TRHDE: variants seen among roughly 807,000 people sequenced by gnomAD.
TRHDE encodes thyrotropin releasing hormone degrading enzyme, also known as thyrotropin-releasing hormone-degrading ectoenzyme.
A neutral mutation model predicts 125.7 loss-of-function variants in TRHDE; 72 were observed. The ratio of observed to expected loss-of-function variants is 0.57; its 90% confidence interval spans 0.47 to 0.70. TRHDE has a LOEUF of 0.70. Ranked by LOEUF, TRHDE falls within the 30% of genes least tolerant of loss-of-function variation. TRHDE has a pLI of 0.00. For missense variants in TRHDE, 1,110 were observed against 1,327.1 expected, an observed-to-expected ratio of 0.84 and a Z score of 2.54; for synonymous variants, 509 against 509.1, an observed-to-expected ratio of 1.00 and a Z score of 0.00.
chr12:72,382,622 A>T (rs1209384925), intron 3 of TRHDE, among the ~76,000 whole-genome samples: 1 of 152,144 alleles, frequency 6.6e-6, no homozygotes, highest in Non-Finnish European at 1.5e-5. Flanking sequence ...ATAAACAGGA[A>T]GACTCTCTAC....
chr12:72,094,646 G>T (rs1381358960), intron 1 of TRHDE, among the ~76,000 whole-genome samples: 1 of 152,232 alleles, frequency 6.6e-6, no homozygotes, highest in Non-Finnish European at 1.5e-5. Flanking sequence ...TGGGACTGAG[G>T]TCGGCAGGTC....
intron 15 of TRHDE, among the ~76,000 whole-genome samples, chr12:72,648,088 C>A (rs147021797): frequency 6.6e-6 from 1 of 152,042 alleles, no homozygotes; most frequent in Admixed American, 6.6e-5. Context: ...TGCGAGGATG[C>A]TTCCACATAC....
Position 72,273,954 on chromosome 12 carries a change from C to A in TRHDE, c.914+397C>A. The A allele has an allele frequency of 5.1e-6, 1 of 196,428 alleles. No homozygotes were observed. The allele number at this position is 196,428 out of a possible 1,614,324, so 12.2% of individuals were successfully genotyped here. A position where few individuals can be genotyped will look rare whatever the true frequency, so the allele number is the denominator to read the frequency against. Reference sequence around the variant, plus strand: ...AGGGAAAATACGTGGCGCTGAAGGCCAAGACAACAGCGCATCCAGGTTAGC... The same window carrying A: ...AGGGAAAATACGTGGCGCTGAAGGCAAAGACAACAGCGCATCCAGGTTAGC... On this transcript the variant is annotated intron_variant, in intron 1 of 18. Coordinates refer to ENST00000261180, the MANE Select transcript of TRHDE (RefSeq NM_013381.3). This position sits in a 1 kb window ranked among gnomAD's most constrained non-coding sequence, Gnocchi z 5.3.
chr12:72,412,396 T>C (rs1398234539), intron 3 of TRHDE, among the ~76,000 whole-genome samples: 7 of 152,132 alleles, frequency 4.6e-5, no homozygotes, highest in Admixed American at 4.6e-4. Context: ...TCTCATCTGG[T>C]TGGTAAAAAT....
chr12:72,105,410 A>G (rs1033170912), intron 1 of TRHDE, among the ~76,000 whole-genome samples: 1 of 152,170 alleles, frequency 6.6e-6, no homozygotes, highest in African/African-American at 2.4e-5. Context: ...GTCTAGCCAG[A>G]GCAGAGCTGG....
chr12:72,483,779 T>C (rs1025090273), intron 5 of TRHDE, among the ~76,000 whole-genome samples: 15 of 152,028 alleles, frequency 9.9e-5, no homozygotes, highest in African/African-American at 3.6e-4. Flanking sequence ...TCATTGGAAA[T>C]ATAAAGACTT....
At chr12:72,281,703 T>C (rs927133475) in intron 1 of TRHDE, among the ~76,000 whole-genome samples, 8 of 152,224 alleles carry the variant, frequency 5.3e-5, no homozygotes, top group African/African-American at 1.9e-4. Flanking sequence ...TTGTTTCCTC[T>C]GCATGTCTTA....
chr12:72,592,804 G>A (rs1048113564), intron 12 of TRHDE, among the ~76,000 whole-genome samples: 5 of 151,350 alleles, frequency 3.3e-5, no homozygotes, highest in African/African-American at 1.2e-4. Flanking sequence ...TCCACCTCCC[G>A]GGTTCAAGTG....
chr12:72,274,500 G>A (rs1329282703), intron 1 of TRHDE: 1 of 152,260 alleles, frequency 6.6e-6, no homozygotes, highest in Non-Finnish European at 1.5e-5. Context: ...GTGGAGGTTT[G>A]AGGAAGGTAA....
intron 2 of TRHDE, among the ~76,000 whole-genome samples, chr12:72,125,131 T>C: frequency 6.6e-6 from 1 of 152,224 alleles, no homozygotes; most frequent in East Asian, 1.9e-4. Flanking sequence ...TGTAATTTAT[T>C]TTCTTGTGCT....
At chr12:72,237,390 A>G (rs528709461) in intron 2 of TRHDE, among the ~76,000 whole-genome samples, 7 of 152,356 alleles carry the variant, frequency 4.6e-5, no homozygotes, top group Non-Finnish European at 5.9e-5. Context: ...CAGAGACTCA[A>G]TGTATAGAAA....
At chr12:72,535,568 G>A (rs1868813167) in intron 6 of TRHDE, among the ~76,000 whole-genome samples, 2 of 151,370 alleles carry the variant, frequency 1.3e-5, no homozygotes, top group South Asian at 4.1e-4. Flanking sequence ...TTTTTCCCTT[G>A]TTCTATCCTC....
In TRHDE at chr12:72,125,038, C is replaced by A. The variant is rs149198912; in HGVS notation, n.279+19286C>A. 3.3e-3 allele frequency among the ~76,000 whole-genome samples: 503 copies of A among 152,132 alleles called. 1 individual carries two copies. The highest frequency in any genetic ancestry group is 0.011 in the African/African-American group (462 of 41,516). On this transcript the variant is annotated intron_variant and non_coding_transcript_variant, in intron 2 of 4. Coordinates refer to the TRHDE transcript ENST00000548156. ...AAATCCTCCTCAGATATGATATATC[C>A]TTGTTTCCTAAAAACACTGCTAGAT...
intron 3 of TRHDE, among the ~76,000 whole-genome samples, chr12:72,388,408 A>G (rs1472032558): frequency 6.6e-6 from 1 of 152,102 alleles, no homozygotes; most frequent in African/African-American, 2.4e-5. Flanking sequence ...TGTAAGTTCT[A>G]TGAAAACAAG....
intron 2 of TRHDE, among the ~76,000 whole-genome samples, chr12:72,197,602 G>A (rs1350962196): frequency 1.3e-5 from 2 of 152,122 alleles, no homozygotes. Context: ...TGGCCCATAA[G>A]TTCTGGGTGA....
intron 2 of TRHDE, among the ~76,000 whole-genome samples, chr12:72,142,686 C>A (rs1876143071): frequency 6.6e-6 from 1 of 152,144 alleles, no homozygotes; most frequent in South Asian, 2.1e-4. Context: ...AACCCCCAAA[C>A]CCCAGGCTCC....
intron 2 of TRHDE, among the ~76,000 whole-genome samples, chr12:72,377,318 T>G (rs1871933735): frequency 6.6e-6 from 1 of 151,542 alleles, no homozygotes; most frequent in Non-Finnish European, 1.5e-5. Context: ...TTTTTTTTTT[T>G]GGCCAAGGAC....
At position 72,663,983 on chromosome 12, in the gene TRHDE, AG is replaced by A. The variant is rs1875019753; in HGVS notation, c.*789del. On this transcript the variant is annotated 3_prime_UTR_variant, in exon 19 of 19. Coordinates refer to ENST00000261180, the MANE Select transcript of TRHDE (RefSeq NM_013381.3). ...TATCTCTTTTTATAAACTTAAGGAC[AG>A]TTGCAAAAGGCTTCAAGGAATTTAT... 6.6e-6 allele frequency: 1 copy of A among 152,160 alleles called. No individual in the cohort carries two copies. The highest frequency in any genetic ancestry group is 2.1e-4 in the South Asian group (1 of 4,832). The allele number at this position is 152,160 out of a possible 1,614,324, so 9.4% of individuals were successfully genotyped here.
intron 3 of TRHDE, among the ~76,000 whole-genome samples, chr12:72,435,617 A>G (rs1278687461): frequency 6.6e-6 from 1 of 151,472 alleles, no homozygotes; most frequent in African/African-American, 2.4e-5. Context: ...CAGTACTTGA[A>G]TGAAAATAGA....
Sources: gnomAD v4.1 joint callset for allele counts (sites outside exome capture counted in the v4.1 genomes callset) on GRCh38, gnomAD v4.1.1 for gene constraint, Gnocchi (gnomAD v3.1) non-coding constraint, MANE v1.5 for transcripts, NCBI Gene and HGNC (gene_info 2026-07-23, HGNC 2026-07-21) for gene names.